The following UNC13B variants were observed in gnomAD, a reference collection of about 807,000 sequenced individuals.
UNC13B encodes the protein protein unc-13 homolog B.
A neutral mutation model predicts 211.0 loss-of-function variants in UNC13B; 144 were observed. The observed-to-expected ratio is 0.68, with a 90% CI of 0.60 to 0.78. UNC13B has a LOEUF of 0.78. UNC13B is among the 30% of genes least tolerant of loss of function. The pLI, the probability that UNC13B is intolerant of heterozygous loss-of-function variation, is 0.00. For synonymous variants in UNC13B, 709 were observed against 725.8 expected, an observed-to-expected ratio of 0.98 and a Z score of 0.37; for missense variants, 1,777 against 2,002.0, an observed-to-expected ratio of 0.89 and a Z score of 2.14.
intron 24 of UNC13B, among the ~76,000 whole-genome samples, chr9:35,387,249 A>G (rs1835248107): frequency 6.6e-6 from 1 of 152,232 alleles, no homozygotes; most frequent in African/African-American, 2.4e-5. Context: ...ATAGACCTTA[A>G]AAGGCAGTGG....
chr9:35,392,904 A>G lies in UNC13B; in HGVS notation c.11308+2190A>G, dbSNP rs537281907. ...AGTCAACATTATTAAGGTATCATTTATAGACAATACAATAAGACCACTTTA... is the reference window on the plus strand; with the variant it reads ...AGTCAACATTATTAAGGTATCATTTGTAGACAATACAATAAGACCACTTTA... On this transcript the variant is annotated intron_variant, in intron 26 of 39. Coordinates refer to ENST00000635942, the MANE Select transcript of UNC13B (RefSeq NM_001371189.2). 4.4e-4 allele frequency among the ~76,000 whole-genome samples: 67 copies of G among 152,360 alleles called. 1 individual carries two copies. The highest frequency in any genetic ancestry group is 1.6e-3 in the African/African-American group (66 of 41,582).
intron 2 of UNC13B, 106 bp from the exon 3 acceptor site, chr9:35,231,014 C>T (rs1825169485): frequency 5.7e-6 from 4 of 699,486 alleles, no homozygotes; most frequent in African/African-American, 1.8e-5. Flanking sequence ...TTTTTTCCTG[C>T]ACATGTAATA....
chr9:35,375,159 T>C lies in UNC13B; in HGVS notation c.9573T>C (p.Thr3191=). The C allele has an allele frequency of 6.2e-7, 1 of 1,614,180 alleles. No individual in the cohort carries two copies. Residue 3191 remains threonine (T), a synonymous_variant, in exon 14 of 40, where the codon ACT becomes ACC. Coordinates refer to ENST00000635942, the MANE Select transcript of UNC13B (RefSeq NM_001371189.2). ...TCCAGTCTCGGAAGGCAGGAATCAC[T>C]TCTGCAATGGCTACACGCACTTCTC... is the stretch of plus-strand genomic sequence containing the variant. The part of the protein sequence containing the change: ...SLVQSRKAGI[T]SAMATRTSLK...
At chr9:35,200,812 T>C (rs551906198) in intron 1 of UNC13B, among the ~76,000 whole-genome samples, 250 of 152,312 alleles carry the variant, frequency 1.6e-3, no homozygotes, top group African/African-American at 5.7e-3. Context: ...CTTTTCCTAA[T>C]TGAATACCCT....
chr9:35,164,162 G>A (rs1820915184), intron 1 of UNC13B, among the ~76,000 whole-genome samples: 1 of 152,162 alleles, frequency 6.6e-6, no homozygotes, highest in Admixed American at 6.5e-5. Flanking sequence ...AATTACAGGA[G>A]TGAACCACCA....
At chr9:35,277,744 C>T (rs1388372753) in intron 7 of UNC13B, among the ~76,000 whole-genome samples, 2 of 151,124 alleles carry the variant, frequency 1.3e-5, no homozygotes, top group Admixed American at 6.6e-5. Context: ...GACTCAAGTC[C>T]GAAGAGGTAA....
chr9:35,380,777 C>T, intron 18 of UNC13B, 138 bp downstream of exon 18: 1 of 1,168,430 alleles, frequency 8.6e-7, no homozygotes, highest in Non-Finnish European at 1.2e-6. Flanking sequence ...AAAGAACTGA[C>T]TGTGGGGAGG....
At chr9:35,275,652 G>A (rs889886328) in intron 7 of UNC13B, among the ~76,000 whole-genome samples, 3 of 152,120 alleles carry the variant, frequency 2.0e-5, no homozygotes, top group Admixed American at 6.5e-5. Flanking sequence ...GAGCGTAGTG[G>A]TGTGATCTCG....
chr9:35,369,357 GC>G (rs1380346786), intron 12 of UNC13B, among the ~76,000 whole-genome samples: 1 of 152,118 alleles, frequency 6.6e-6, no homozygotes, highest in Non-Finnish European at 1.5e-5. Flanking sequence ...GTTTTTTGTT[GC>G]TTATCCATCT....
chr9:35,380,488 T>C lies in UNC13B; in HGVS notation c.10224T>C (p.Ser3408=). The C allele has an allele frequency of 6.2e-7, 1 of 1,614,214 alleles. No homozygotes were observed. The highest frequency in any genetic ancestry group is 8.5e-7 in the Non-Finnish European group (1 of 1,180,020). The change falls in exon 18 of 40, where the codon TCT becomes TCC. Residue 3408 remains serine (S), a synonymous_variant. Transcript: ENST00000635942. ...EKFHFECHNS[S]DRIKVRVWDE... is the part of the protein sequence containing the mutation. ...CTCACAGTGAGTGCCACAACTCCTC[T>C]GACCGCATTAAGGTGCGTGTATGGG... is the stretch of plus-strand genomic sequence containing the variant.
At chr9:35,347,702 G>A (rs1832451313) in intron 11 of UNC13B, among the ~76,000 whole-genome samples, 1 of 152,200 alleles carries the variant, frequency 6.6e-6, no homozygotes, top group African/African-American at 2.4e-5. Flanking sequence ...TGTTTAATAT[G>A]GAAGGAAGCA....
At chr9:35,253,862 C>T (rs1826661250) in intron 6 of UNC13B, among the ~76,000 whole-genome samples, 1 of 152,168 alleles carries the variant, frequency 6.6e-6, no homozygotes, top group South Asian at 2.1e-4. Flanking sequence ...CTCTGTTCAA[C>T]CTTAGTAGAT....
At chr9:35,275,497 A>G (rs1008241586) in intron 7 of UNC13B, among the ~76,000 whole-genome samples, 2 of 152,134 alleles carry the variant, frequency 1.3e-5, no homozygotes, top group African/African-American at 4.8e-5. Flanking sequence ...TTTTCTTGTG[A>G]ATCATTCAAG....
At chr9:35,344,252 T>A (rs558399829) in intron 11 of UNC13B, among the ~76,000 whole-genome samples, 1 of 152,176 alleles carries the variant, frequency 6.6e-6, no homozygotes, top group African/African-American at 2.4e-5. Flanking sequence ...GCCCCCACAC[T>A]CTTTTTTTGT....
Position 35,398,873 on chromosome 9 carries a change from CAT to C in UNC13B, c.11922-8_11922-7del. On this transcript the variant is annotated splice_region_variant and splice_polypyrimidine_tract_variant and intron_variant, in intron 32 of 39. Transcript: ENST00000635942. Reference sequence around the variant, plus strand: ...GGAGGGAAAGGCTACACTGCGGGCACATGTGTAGTTTCCAGGTACGGATTGAT... The same window carrying C: ...GGAGGGAAAGGCTACACTGCGGGCACGTGTAGTTTCCAGGTACGGATTGAT... 6.2e-7 allele frequency: 1 copy of C among 1,612,136 alleles called. No individual in the cohort carries two copies. Among genetic ancestry groups the C allele is most frequent in the East Asian group, 2.2e-5 (1 of 44,824 alleles).
At chr9:35,270,473 C>T (rs188971780) in intron 7 of UNC13B, among the ~76,000 whole-genome samples, 4 of 152,154 alleles carry the variant, frequency 2.6e-5, no homozygotes, top group Non-Finnish European at 5.9e-5. Flanking sequence ...TTCCCAAGAA[C>T]ATCAAATTAT....
At chr9:35,296,054 A>T in intron 8 of UNC13B, 124 bp downstream of exon 8, 1 of 807,106 alleles carries the variant, frequency 1.2e-6, no homozygotes. Context: ...CACCGGCCAA[A>T]CTACAGTCAT....
chr9:35,338,037 G>GAT (rs934686173), intron 11 of UNC13B, among the ~76,000 whole-genome samples: 20 of 152,018 alleles, frequency 1.3e-4, no homozygotes, highest in Non-Finnish European at 1.8e-4. Context: ...CTTGGGCTGG[G>GAT]ATATATATAT....
rs765319803 is a variant in UNC13B, at chr9:35,403,484, C to T, written c.12622C>T (p.Arg4208Trp). The T allele has an allele frequency of 6.2e-6, 10 of 1,613,906 alleles. No homozygotes were observed. The highest frequency in any genetic ancestry group is 1.7e-5 in the Admixed American group (1 of 60,002). The part of the protein sequence containing the change: ...DLKWQTAGMF[R>W]PFVEVTMVGP... ...CAAGTGGCAGACAGCGGGTATGTTC[C>T]GGCCTTTCGTGGAGGTGACTATGGT... is the stretch of plus-strand genomic sequence containing the variant. The change falls in exon 39 of 40, where the codon CGG (arginine) becomes TGG (tryptophan). Residue 4208 changes from arginine (R) to tryptophan (W), a missense_variant. Coordinates refer to ENST00000635942, the MANE Select transcript of UNC13B (RefSeq NM_001371189.2).
Sources: gnomAD v4.1 joint callset for allele counts (sites outside exome capture counted in the v4.1 genomes callset) on GRCh38, gnomAD v4.1.1 for gene constraint, MANE v1.5 for transcripts, NCBI Gene and HGNC (gene_info 2026-07-23, HGNC 2026-07-21) for gene names.